Variants in IQCK observed in about 807,000 individuals in gnomAD.
IQCK encodes IQ domain-containing protein K.
IQCK carries 29 observed loss-of-function variants against 28.1 expected under a neutral mutation model. That is an observed-to-expected ratio of 1.03 (90% CI 0.77 to 1.41). The LOEUF (loss-of-function observed/expected upper bound fraction) is 1.41. Ranked by LOEUF, IQCK falls within the 40% of genes most tolerant of loss-of-function variation. The probability of loss-of-function intolerance (pLI) is 0.00; values close to 1 mark genes in which losing one functional copy is unlikely to be tolerated. For synonymous variants in IQCK, 113 were observed against 115.1 expected, an observed-to-expected ratio of 0.98 and a Z score of 0.12; for missense variants, 359 against 314.7, an observed-to-expected ratio of 1.14 and a Z score of -1.07.
intron 1 of IQCK, among the ~76,000 whole-genome samples, chr16:19,724,388 C>T (rs780551657): frequency 6.6e-6 from 1 of 152,194 alleles, no homozygotes; most frequent in Non-Finnish European, 1.5e-5. Flanking sequence ...TCATGTGGCT[C>T]TCCAGCAGCC....
chr16:19,840,440 G>T (rs1032129351), intron 9 of IQCK, among the ~76,000 whole-genome samples: 2 of 152,184 alleles, frequency 1.3e-5, no homozygotes, highest in Admixed American at 1.3e-4. Context: ...CTGGGTGGTT[G>T]TAATGCAGGC....
intron 7 of IQCK, among the ~76,000 whole-genome samples, chr16:19,813,762 C>G (rs1481255002): frequency 2.6e-5 from 4 of 151,966 alleles, no homozygotes; most frequent in Non-Finnish European, 4.4e-5. Flanking sequence ...TTAGGGGAAA[C>G]TAAAATACTA....
intron 6 of IQCK, among the ~76,000 whole-genome samples, chr16:19,779,128 G>A (rs569822120): frequency 9.2e-5 from 14 of 152,210 alleles, no homozygotes; most frequent in African/African-American, 3.1e-4. Context: ...GATTACAGAC[G>A]TGAGCCACCA....
Position 19,823,947 on chromosome 16 carries a change from T to A in IQCK, c.691-3079T>A, listed in dbSNP as rs557647871. ...GACTCCCTCTTAAAAAATAAATAAATAAATAAATAAATAAATAAAGTTGAT... is the reference window on the plus strand; with the variant it reads ...GACTCCCTCTTAAAAAATAAATAAAAAAATAAATAAATAAATAAAGTTGAT... On this transcript the variant is annotated intron_variant, in intron 7 of 7. Transcript: ENST00000564186. Among the ~76,000 whole-genome samples, 315 of 151,308 alleles carry A rather than the reference T, an allele frequency of 2.1e-3. 2 individuals are homozygous for A. The highest frequency in any genetic ancestry group is 5.5e-3 in the African/African-American group (228 of 41,094).
chr16:19,826,593 G>A (rs1210116463), intron 7 of IQCK, among the ~76,000 whole-genome samples: 1 of 152,184 alleles, frequency 6.6e-6, no homozygotes, highest in Non-Finnish European at 1.5e-5. Context: ...GGCCAGGCTG[G>A]TCTCGAACTC....
chr16:19,809,011 C>T (rs2055867210), intron 7 of IQCK, among the ~76,000 whole-genome samples: 1 of 152,234 alleles, frequency 6.6e-6, no homozygotes, highest in Non-Finnish European at 1.5e-5. Context: ...GCATGCGCCA[C>T]CACGGCCAGC....
chr16:19,799,357 C>G (rs529035658), intron 7 of IQCK, among the ~76,000 whole-genome samples: 1 of 89,814 alleles, frequency 1.1e-5, no homozygotes, highest in Non-Finnish European at 1.9e-5. Flanking sequence ...CTGCAACCTC[C>G]GCCTCTGGGT....
intron 9 of IQCK, among the ~76,000 whole-genome samples, chr16:19,855,781 G>C (rs750190677): frequency 1.3e-5 from 2 of 152,066 alleles, no homozygotes; most frequent in African/African-American, 4.8e-5. Flanking sequence ...CTGTGGCCTG[G>C]CTCAAACCAC....
chr16:19,849,005 T>C (rs1597612083), intron 9 of IQCK, among the ~76,000 whole-genome samples: 1 of 151,856 alleles, frequency 6.6e-6, no homozygotes, highest in Non-Finnish European at 1.5e-5. Flanking sequence ...GATCGGGGAG[T>C]TTCCCCTGCA....
At chr16:19,769,302 G>C (rs1035799862) in intron 6 of IQCK, among the ~76,000 whole-genome samples, 1 of 152,242 alleles carries the variant, frequency 6.6e-6, no homozygotes. Context: ...GAGTATCAAA[G>C]AATGTGTGGA....
chr16:19,731,569 A>G (rs1977839860), intron 2 of IQCK, among the ~76,000 whole-genome samples: 1 of 152,192 alleles, frequency 6.6e-6, no homozygotes, highest in African/African-American at 2.4e-5. Flanking sequence ...TTCCAGGGTC[A>G]GCTGTTCTGA....
chr16:19,818,188 C>T (rs1033589966), intron 7 of IQCK, among the ~76,000 whole-genome samples: 3 of 152,012 alleles, frequency 2.0e-5, no homozygotes, highest in African/African-American at 7.2e-5. Context: ...TACCCAGAAC[C>T]GAGATGTCTA....
intron 7 of IQCK, among the ~76,000 whole-genome samples, chr16:19,809,923 T>A (rs1290252124): frequency 6.6e-6 from 1 of 152,172 alleles, no homozygotes; most frequent in African/African-American, 2.4e-5. Flanking sequence ...AGGAGTTAAG[T>A]GTCCACACGT....
intron 6 of IQCK, among the ~76,000 whole-genome samples, chr16:19,780,263 C>G (rs1362505363): frequency 2.0e-5 from 3 of 151,770 alleles, no homozygotes; most frequent in African/African-American, 7.3e-5. Context: ...GCTGGTCTTG[C>G]ACTCCTGACC....
At chr16:19,840,474 G>A (rs2141110947) in intron 9 of IQCK, among the ~76,000 whole-genome samples, 1 of 152,206 alleles carries the variant, frequency 6.6e-6, no homozygotes, top group Middle Eastern at 3.4e-3. Context: ...ATTGATTTTT[G>A]CCTTTTTTTC....
intron 9 of IQCK, among the ~76,000 whole-genome samples, chr16:19,837,245 A>G (rs1281765854): frequency 1.3e-5 from 2 of 152,008 alleles, no homozygotes; most frequent in African/African-American, 4.8e-5. Context: ...TACAAAAAAT[A>G]TGAAAACTAG....
intron 1 of IQCK, among the ~76,000 whole-genome samples, chr16:19,727,836 A>G (rs1319096073): frequency 6.6e-6 from 1 of 152,112 alleles, no homozygotes; most frequent in Non-Finnish European, 1.5e-5. Flanking sequence ...AGAAGGGTGA[A>G]TTTACATGCT....
At chr16:19,823,932 T>TAAAA (rs60256068) in intron 7 of IQCK, among the ~76,000 whole-genome samples, 3,371 of 143,948 alleles carry the variant, frequency 0.023, 138 homozygotes, top group African/African-American at 0.086. Flanking sequence ...GACTCCCTCT[T>TAAAA]AAAAAATAAA....
intron 6 of IQCK, among the ~76,000 whole-genome samples, chr16:19,769,632 G>A (rs1156769840): frequency 3.3e-5 from 5 of 152,216 alleles, no homozygotes; most frequent in Non-Finnish European, 7.3e-5. Context: ...CAGTTAGGGG[G>A]TGGATTATGG....
Sources: gnomAD v4.1 joint callset for allele counts (sites outside exome capture counted in the v4.1 genomes callset) on GRCh38, gnomAD v4.1.1 for gene constraint, MANE v1.5 for transcripts, NCBI Gene and HGNC (gene_info 2026-07-23, HGNC 2026-07-21) for gene names.